The following CDK1 variants were observed in gnomAD, a reference collection of about 807,000 sequenced individuals.
The protein encoded by CDK1 is cyclin dependent kinase 1.
A neutral mutation model predicts 34.6 loss-of-function variants in CDK1; 5 were observed. The observed-to-expected ratio is 0.14, with a 90% confidence interval of 0.08 to 0.30. The LOEUF is 0.30. CDK1 is among the 10% of genes least tolerant of loss of function. The probability of loss-of-function intolerance (pLI) is 1.00; values close to 1 mark genes in which losing one functional copy is unlikely to be tolerated. For synonymous variants in CDK1, 108 were observed against 114.7 expected (o/e 0.94, Z 0.37); for missense variants, 157 against 345.7 (o/e 0.45, Z 4.33).
At chr10:60,787,082 AGTT>A (rs1369890378) in intron 4 of CDK1, 15 of 984,636 alleles carry the variant, frequency 1.5e-5, no homozygotes, top group African/African-American at 1.7e-5. Flanking sequence ...ATGGCTAGCC[AGTT>A]GTTCTAACTG....
At chr10:60,788,735 T>C (rs1383234847) in intron 5 of CDK1, among the ~76,000 whole-genome samples, 1 of 152,118 alleles carries the variant, frequency 6.6e-6, no homozygotes, top group East Asian at 1.9e-4. Flanking sequence ...ATCTGTGTTA[T>C]ATTGCTGACT....
chr10:60,791,823 T>C, intron 5 of CDK1, 67 bp from the exon 6 acceptor site: 1 of 816,214 alleles, frequency 1.2e-6, no homozygotes. Flanking sequence ...AATAAAAATA[T>C]AAATGTTTAA....
intron 7 of CDK1, among the ~76,000 whole-genome samples, chr10:60,792,513 G>A (rs1315339351): frequency 6.7e-6 from 1 of 150,142 alleles, no homozygotes; most frequent in East Asian, 2.0e-4. Context: ...GGTAGCTATG[G>A]ATATTCTGAG....
In CDK1 at chr10:60,794,032, T is replaced by A; in HGVS notation, c.*57T>A. On this transcript the variant is annotated 3_prime_UTR_variant, in exon 8 of 8. Coordinates refer to ENST00000395284, the MANE Select transcript of CDK1 (RefSeq NM_001786.5). ...CAACAGATAGTTGTGTTTTTATTGT[T>A]AACTCTTGTCTATTTTTGTCTTATA... The A allele has an allele frequency of 1.2e-6, 1 of 835,892 alleles. No homozygotes were observed. The highest frequency in any genetic ancestry group is 1.9e-6 in the Non-Finnish European group (1 of 524,266). The allele number at this position is 835,892 out of a possible 1,614,324, so 51.8% of individuals were successfully genotyped here. A position where few individuals can be genotyped will look rare whatever the true frequency, so the allele number is the denominator to read the frequency against.
At chr10:60,792,411 C>T (rs953196983) in intron 7 of CDK1, 122 bp downstream of exon 7, 6 of 815,932 alleles carry the variant, frequency 7.4e-6, no homozygotes, top group South Asian at 3.7e-5. Flanking sequence ...CTGTTATGTA[C>T]ATTGTATTAT....
At position 60,784,080 on chromosome 10, in the gene CDK1, G is replaced by A. The variant is rs183708010; in HGVS notation, c.38-625G>A. Among the ~76,000 whole-genome samples the A allele has an allele frequency of 1.0e-3, 157 of 152,290 alleles. 1 individual carries two copies. Among genetic ancestry groups the A allele is most frequent in the Non-Finnish European group, 1.7e-3 (117 of 68,022 alleles). On this transcript the variant is annotated intron_variant, in intron 2 of 7. Transcript: ENST00000395284. Reference sequence around the variant, plus strand: ...ATATTTTATGCCCACTTCGTTGCAGGGTAGGATATTGACAGAAGGTTAATT... The same window carrying A: ...ATATTTTATGCCCACTTCGTTGCAGAGTAGGATATTGACAGAAGGTTAATT...
intron 2 of CDK1, among the ~76,000 whole-genome samples, 189 bp downstream of exon 2, chr10:60,780,391 C>T (rs568346689): frequency 6.6e-6 from 1 of 152,168 alleles, no homozygotes; most frequent in Non-Finnish European, 1.5e-5. Flanking sequence ...TTGAAATTAC[C>T]GAATCCCTAA....
intron 3 of CDK1, among the ~76,000 whole-genome samples, chr10:60,785,361 A>G (rs1031789224): frequency 3.3e-5 from 5 of 152,220 alleles, no homozygotes; most frequent in Non-Finnish European, 5.9e-5. Flanking sequence ...CCACTTTAAA[A>G]TTTATTTGTA....
rs2132077652 is a variant in CDK1 at position 60,794,149 on chromosome 10, T to C, written c.*174T>C. The C allele has an allele frequency of 4.6e-6, 2 of 430,372 alleles. No individual in the cohort carries two copies. The highest frequency in any genetic ancestry group is 9.5e-5 in the South Asian group (2 of 21,120). 26.7% of individuals were successfully genotyped at this position (430,372 alleles called of 1,614,324 possible). On this transcript the variant is annotated 3_prime_UTR_variant, in exon 8 of 8. Transcript: ENST00000395284. ...TGTAAATATTCTATATGAATTTAAA[T>C]ATAATTCTGTAAATGTGTGTAGGTC...
At chr10:60,779,448 A>G (rs1223989514) in intron 1 of CDK1, among the ~76,000 whole-genome samples, 1 of 151,914 alleles carries the variant, frequency 6.6e-6, no homozygotes, top group African/African-American at 2.4e-5. Flanking sequence ...AGTCCTTGAC[A>G]TTGTTTAGGT....
intron 4 of CDK1, chr10:60,787,549 A>G (rs980713520): frequency 2.6e-5 from 4 of 152,114 alleles, no homozygotes; most frequent in African/African-American, 9.7e-5. Context: ...TTTGGCAACA[A>G]ATGTCTTGTA....
rs376502473 is a variant in CDK1 at position 60,788,209 on chromosome 10, T to C, written c.468T>C (p.Pro156=). 7.5e-6 allele frequency: 12 copies of C among 1,610,426 alleles called. No homozygotes were observed. In the African/African-American group the frequency reaches 1.5e-4, roughly 20 times the overall value. ...DFGLARAFGI[P]IRVYTHEVVT... ...GCCTTGCCAGAGCTTTTGGAATACC[T>C]ATCAGAGTATATACACATGAGGCAA... Residue 156 remains proline, a synonymous_variant, in exon 5 of 8, where the codon CCT becomes CCC. Coordinates refer to ENST00000395284, the MANE Select transcript of CDK1 (RefSeq NM_001786.5).
At chr10:60,782,025 A>T (rs1182346270) in intron 2 of CDK1, among the ~76,000 whole-genome samples, 2 of 152,256 alleles carry the variant, frequency 1.3e-5, no homozygotes, top group African/African-American at 4.8e-5. Flanking sequence ...TTGTTTTGGA[A>T]AAAGGAACTT....
intron 2 of CDK1, among the ~76,000 whole-genome samples, chr10:60,780,753 G>T (rs535647943): frequency 1.3e-5 from 2 of 151,994 alleles, no homozygotes. Flanking sequence ...CCTTTCTGTG[G>T]TACTTGAAGG....
intron 1 of CDK1, among the ~76,000 whole-genome samples, chr10:60,778,865 C>G (rs2080246877): frequency 6.6e-6 from 1 of 152,212 alleles, no homozygotes; most frequent in Non-Finnish European, 1.5e-5. Flanking sequence ...TCAGGAACTG[C>G]CTGAAGAGGC....
At position 60,791,989 on chromosome 10, in the gene CDK1, C is replaced by A. The variant is rs756767206; in HGVS notation, c.589C>A (p.Leu197Ile). The change falls in exon 6 of 8, where the codon CTA becomes ATA. Residue 197 changes from leucine (L) to isoleucine (I), a missense_variant. By Grantham distance (5) the Leu-to-Ile change is conservative. Around this residue, in one of 3 missense-constraint regions of CDK1, gnomAD observed 102 missense variants for 233.6 expected, o/e 0.44. Coordinates refer to ENST00000395284, the MANE Select transcript of CDK1 (RefSeq NM_001786.5). ...GAGTATAGGCACCATATTTGCTGAA[C>A]TAGCAACTAAGAAACCACTTTTCCA... ...IWSIGTIFAELATKKPLFHGD... is the reference protein window; with the variant it reads ...IWSIGTIFAEIATKKPLFHGD... 3 of 1,611,894 alleles carry A rather than the reference C, an allele frequency of 1.9e-6. No individual in the cohort carries two copies. The highest frequency in any genetic ancestry group is 2.5e-6 in the Non-Finnish European group (3 of 1,178,156).
intron 1 of CDK1, among the ~76,000 whole-genome samples, chr10:60,778,918 G>C (rs893426296): frequency 1.3e-5 from 2 of 152,200 alleles, no homozygotes; most frequent in African/African-American, 4.8e-5. Flanking sequence ...CCCACGCTGA[G>C]CGCCTGCGGA....
rs984391170 is a variant in CDK1 at position 60,780,110 on chromosome 10, T to A, written c.-25-31T>A. The A allele has an allele frequency of 5.8e-6, 6 of 1,025,670 alleles. No homozygotes were observed. In the Admixed American group the frequency reaches 1.0e-4, roughly 18 times the overall value. The allele number at this position is 1,025,670 out of a possible 1,614,324, so 63.5% of individuals were successfully genotyped here. On this transcript the variant is annotated intron_variant, in intron 1 of 7. Coordinates refer to ENST00000395284, the MANE Select transcript of CDK1 (RefSeq NM_001786.5). ...CTTAAAACTACTCGAGTTAGTGGCA[T>A]GTAATTAAGTCAGTTTTTCCTTCAC...
At chr10:60,781,068 TA>T (rs2080269539) in intron 2 of CDK1, among the ~76,000 whole-genome samples, 1 of 140,122 alleles carries the variant, frequency 7.1e-6, no homozygotes. Flanking sequence ...ATTTTTTTTT[TA>T]AATCACTTAA....
Sources: allele counts gnomAD v4.1 joint callset (sites outside exome capture counted in the v4.1 genomes callset), GRCh38; gene constraint gnomAD v4.1.1; regional missense constraint gnomAD v4.1.1; transcripts MANE v1.5; gene names NCBI Gene and HGNC (gene_info 2026-07-23, HGNC 2026-07-21).